Variants in ABCC4 observed in about 807,000 individuals in gnomAD.
ABCC4 encodes ATP binding cassette subfamily C member 4 (PEL blood group).
Under a neutral mutation model 168.5 loss-of-function variants are expected in ABCC4, and 102 were observed. The ratio of observed to expected loss-of-function variants is 0.61; its 90% CI spans 0.52 to 0.71. ABCC4 has a LOEUF of 0.71. ABCC4 is among the 30% of genes least tolerant of loss of function. The probability of loss-of-function intolerance (pLI) is 0.00; values close to 1 mark genes in which losing one functional copy is unlikely to be tolerated. For synonymous variants in ABCC4, 617 were observed against 590.7 expected (o/e 1.04, Z -0.65); for missense variants, 1,402 against 1,605.8 (o/e 0.87, Z 2.17).
chr13:95,023,719 G>A (rs934734690), intron 30 of ABCC4, among the ~76,000 whole-genome samples: 5 of 152,314 alleles, frequency 3.3e-5, no homozygotes, highest in African/African-American at 1.2e-4. Flanking sequence ...ACAGAACGTG[G>A]AGGTATCGCC....
chr13:95,193,267 C>T (rs2038314507), intron 9 of ABCC4, among the ~76,000 whole-genome samples: 1 of 152,194 alleles, frequency 6.6e-6, no homozygotes, highest in South Asian at 2.1e-4. Context: ...TACGCTACAA[C>T]GCAAGGTCAG....
chr13:95,228,197 G>A (rs1292695741), intron 4 of ABCC4, among the ~76,000 whole-genome samples: 1 of 152,200 alleles, frequency 6.6e-6, no homozygotes, highest in Non-Finnish European at 1.5e-5. Context: ...AAAACCCAGA[G>A]GGAGACGGGG....
intron 8 of ABCC4, among the ~76,000 whole-genome samples, chr13:95,200,564 T>TA (rs2038595546): frequency 6.6e-6 from 1 of 152,048 alleles, no homozygotes; most frequent in Non-Finnish European, 1.5e-5. Flanking sequence ...CTACTAAAAA[T>TA]ACAAAAGTTA....
At chr13:95,162,455 A>C (rs911919708) in intron 18 of ABCC4, among the ~76,000 whole-genome samples, 1 of 152,210 alleles carries the variant, frequency 6.6e-6, no homozygotes, top group Non-Finnish European at 1.5e-5. Context: ...CTCTTGTGAA[A>C]ACAGAGTGTG....
intron 29 of ABCC4, among the ~76,000 whole-genome samples, chr13:95,041,982 C>T (rs1356677686): frequency 6.6e-6 from 1 of 152,190 alleles, no homozygotes; most frequent in Non-Finnish European, 1.5e-5. Context: ...ATTTATACCT[C>T]CTGGTAGGAC....
chr13:95,086,589 T>G (rs1238616120), intron 20 of ABCC4, among the ~76,000 whole-genome samples: 2 of 152,220 alleles, frequency 1.3e-5, no homozygotes, highest in African/African-American at 4.8e-5. Context: ...TGGAGAAATT[T>G]TTAGGTATCT....
chr13:95,093,661 C>T (rs1349210652), intron 20 of ABCC4, among the ~76,000 whole-genome samples: 1 of 152,138 alleles, frequency 6.6e-6, no homozygotes, highest in African/African-American at 2.4e-5. Context: ...CTTACCACTC[C>T]TCTTCAACAT....
intron 18 of ABCC4, among the ~76,000 whole-genome samples, 196 bp from the exon 19 acceptor site, chr13:95,161,531 A>G (rs1379578014): frequency 6.6e-6 from 1 of 152,224 alleles, no homozygotes; most frequent in Non-Finnish European, 1.5e-5. Flanking sequence ...TCTCTCACTG[A>G]ATGGAAACTG....
At chr13:95,235,865 T>C (rs1594352590) in intron 3 of ABCC4, among the ~76,000 whole-genome samples, 1 of 152,114 alleles carries the variant, frequency 6.6e-6, no homozygotes, top group South Asian at 2.1e-4. Flanking sequence ...ACAGCAGAAA[T>C]TGAGCTCAAA....
chr13:95,268,959 C>G (rs893816021), intron 1 of ABCC4, among the ~76,000 whole-genome samples: 1 of 152,110 alleles, frequency 6.6e-6, no homozygotes, highest in African/African-American at 2.4e-5. Context: ...TCGTCCCACC[C>G]GATGAGAAAC....
intron 8 of ABCC4, among the ~76,000 whole-genome samples, chr13:95,199,094 C>T (rs1415542135): frequency 6.6e-6 from 1 of 152,032 alleles, no homozygotes; most frequent in African/African-American, 2.4e-5. Context: ...CCTTCATGTT[C>T]TGCACATGTG....
intron 20 of ABCC4, among the ~76,000 whole-genome samples, chr13:95,106,606 C>T (rs1353256707): frequency 6.6e-6 from 1 of 151,896 alleles, no homozygotes; most frequent in African/African-American, 2.4e-5. Context: ...TTGTGAGACC[C>T]TGATTAGCCC....
At chr13:95,168,461 G>T (rs2037358044) in intron 14 of ABCC4, among the ~76,000 whole-genome samples, 1 of 152,140 alleles carries the variant, frequency 6.6e-6, no homozygotes, top group Non-Finnish European at 1.5e-5. Flanking sequence ...GCAAGGAGGG[G>T]CTTACACACA....
chr13:95,142,556 C>G (rs1227211998), intron 19 of ABCC4, among the ~76,000 whole-genome samples: 2 of 151,928 alleles, frequency 1.3e-5, no homozygotes, highest in Non-Finnish European at 2.9e-5. Context: ...AACCAAATAC[C>G]ACCTGCTCCC....
chr13:95,073,342 C>T (rs1039171556), intron 23 of ABCC4, 38 bp from the exon 24 acceptor site: 1 of 1,530,640 alleles, frequency 6.5e-7, no homozygotes, highest in African/African-American at 1.4e-5. Flanking sequence ...GTCAGTCTCA[C>T]TTCAAACCTA....
At chr13:95,297,783 A>G (rs1391549118) in intron 1 of ABCC4, among the ~76,000 whole-genome samples, 1 of 151,954 alleles carries the variant, frequency 6.6e-6, no homozygotes, top group Non-Finnish European at 1.5e-5. Flanking sequence ...TGTGGATTAC[A>G]GTGTCCTTGG....
At chr13:95,290,552 A>T (rs1278257599) in intron 1 of ABCC4, among the ~76,000 whole-genome samples, 2 of 151,994 alleles carry the variant, frequency 1.3e-5, no homozygotes, top group Non-Finnish European at 2.9e-5. Flanking sequence ...TAAAAATACA[A>T]AAATCAGCTA....
chr13:95,079,130 G>A (rs1426200506), intron 21 of ABCC4, among the ~76,000 whole-genome samples: 1 of 152,162 alleles, frequency 6.6e-6, no homozygotes, highest in African/African-American at 2.4e-5. Flanking sequence ...TGCCAGTGAG[G>A]GTGAGCTGGG....
At chr13:95,109,800 G>C (rs2035140815) in intron 20 of ABCC4, among the ~76,000 whole-genome samples, 1 of 152,220 alleles carries the variant, frequency 6.6e-6, no homozygotes, top group African/African-American at 2.4e-5. Flanking sequence ...CCTCCCAATA[G>C]AGTAAACTCA....
Sources: gnomAD v4.1 joint callset for allele counts (sites outside exome capture counted in the v4.1 genomes callset) on GRCh38, gnomAD v4.1.1 for gene constraint, MANE v1.5 for transcripts, NCBI Gene and HGNC (gene_info 2026-07-23, HGNC 2026-07-21) for gene names.